SLC26A5: variants seen among roughly 807,000 people sequenced by gnomAD.
SLC26A5 encodes the protein solute carrier family 26 member 5.
In SLC26A5, 51 loss-of-function variants were observed where a neutral mutation model predicts 81.0. That is an observed-to-expected ratio of 0.63 (90% CI 0.50 to 0.80). SLC26A5 has a LOEUF of 0.80. Among genes scored for constraint, SLC26A5 ranks in the 30% least tolerant of loss-of-function variants. The probability of loss-of-function intolerance (pLI) is 0.00; values close to 1 mark genes in which losing one functional copy is unlikely to be tolerated. For missense variants in SLC26A5, 771 were observed against 905.8 expected, an observed-to-expected ratio of 0.85 and a Z score of 1.91; for synonymous variants, 325 against 332.8, an observed-to-expected ratio of 0.98 and a Z score of 0.25.
At chr7:103,365,927 C>CAA (rs1158503720) in intron 19 of SLC26A5, 2 of 647,320 alleles carry the variant, frequency 3.1e-6, no homozygotes, top group African/African-American at 1.9e-5. Context: ...GACTCCATCT[C>CAA]AAAAAAATAA....
At chr7:103,387,491 T>C (rs947126311) in intron 14 of SLC26A5, among the ~76,000 whole-genome samples, 11 of 152,194 alleles carry the variant, frequency 7.2e-5, no homozygotes, top group African/African-American at 2.7e-4. Context: ...GTAGAGTGGG[T>C]AGCACTTGTC....
At chr7:103,394,771 T>C (rs1822952623) in intron 9 of SLC26A5, among the ~76,000 whole-genome samples, 1 of 152,220 alleles carries the variant, frequency 6.6e-6, no homozygotes, top group South Asian at 2.1e-4. Flanking sequence ...CAAATCTAGA[T>C]GGGGAATCTG....
intron 19 of SLC26A5, chr7:103,353,855 T>C (rs1030468637): frequency 3.6e-6 from 5 of 1,383,178 alleles, no homozygotes; most frequent in Non-Finnish European, 5.1e-6. Flanking sequence ...AAAGCTCTAG[T>C]TTCTTTTTTA....
At chr7:103,404,846 AC>A (rs1418884318) in intron 8 of SLC26A5, among the ~76,000 whole-genome samples, 1 of 152,010 alleles carries the variant, frequency 6.6e-6, no homozygotes, top group African/African-American at 2.4e-5. Flanking sequence ...GTCTTTTCAC[AC>A]AGTCCCATAT....
In SLC26A5 at chr7:103,379,243, C is replaced by T. The variant is rs1821594806; in HGVS notation, c.1677G>A (p.Lys559=). The T allele has an allele frequency of 6.2e-7, 1 of 1,602,892 alleles. No homozygotes were observed. The highest frequency in any genetic ancestry group is 2.2e-5 in the East Asian group (1 of 44,736). ...AAATAATCAATTTCTCATGACTCAC[C>T]TTTCGTTTTAATGCATTGCTATACA... ...SDLYSNALKR[K]TGVNPAVIMG... is the part of the protein sequence containing the mutation. The change falls in exon 16 of 20, where the codon AAG becomes AAA. Residue 559 remains lysine, a splice_region_variant and synonymous_variant. Transcript: ENST00000306312.
intron 2 of SLC26A5, among the ~76,000 whole-genome samples, chr7:103,425,097 C>T (rs1404325425): frequency 6.6e-6 from 1 of 152,148 alleles, no homozygotes; most frequent in African/African-American, 2.4e-5. Context: ...AGGAATTCCT[C>T]GTGACACCCG....
intron 2 of SLC26A5, among the ~76,000 whole-genome samples, chr7:103,431,212 CAT>C (rs1338467020): frequency 1.3e-5 from 2 of 152,178 alleles, no homozygotes; most frequent in African/African-American, 4.8e-5. Context: ...ATAATATACA[CAT>C]GATAAAATTG....
At chr7:103,441,244 G>A (rs765475641) in intron 2 of SLC26A5, among the ~76,000 whole-genome samples, 23 of 152,138 alleles carry the variant, frequency 1.5e-4, no homozygotes, top group Non-Finnish European at 2.6e-4. Context: ...CGATTTGACA[G>A]TCACATATAT....
chr7:103,377,560 C>G, intron 18 of SLC26A5, 39 bp downstream of exon 18: 2 of 1,550,574 alleles, frequency 1.3e-6, no homozygotes, highest in Non-Finnish European at 1.8e-6. Context: ...CGACACCAGG[C>G]ATAGAGGTAT....
intron 14 of SLC26A5, 85 bp from the exon 15 acceptor site, chr7:103,380,634 G>A: frequency 8.0e-7 from 1 of 1,247,738 alleles, no homozygotes; most frequent in South Asian, 1.2e-5. Context: ...ATGTCAGGTT[G>A]GGGTTTGCTG....
chr7:103,421,243 T>C (rs1221958239), intron 3 of SLC26A5, 120 bp downstream of exon 3: 3 of 1,139,096 alleles, frequency 2.6e-6, no homozygotes, highest in African/African-American at 1.5e-5. Flanking sequence ...TTGCAAACCA[T>C]GATGGCTCAG....
intron 9 of SLC26A5, among the ~76,000 whole-genome samples, chr7:103,394,813 G>A (rs1334890182): frequency 2.6e-5 from 4 of 152,162 alleles, no homozygotes; most frequent in African/African-American, 4.8e-5. Context: ...GGCTGGCCTC[G>A]TGATGTGCTT....
intron 8 of SLC26A5, among the ~76,000 whole-genome samples, chr7:103,407,584 A>C (rs1340561228): frequency 6.6e-6 from 1 of 152,202 alleles, no homozygotes; most frequent in African/African-American, 2.4e-5. Context: ...TTTGAGGAGA[A>C]AATCCTCCAT....
At chr7:103,436,258 C>A (rs924421688) in intron 2 of SLC26A5, among the ~76,000 whole-genome samples, 1 of 151,770 alleles carries the variant, frequency 6.6e-6, no homozygotes, top group Non-Finnish European at 1.5e-5. Flanking sequence ...TTCAGGAGAC[C>A]CTTGGCATTT....
In SLC26A5 at chr7:103,397,398, G is replaced by T. The variant is rs184315260; in HGVS notation, c.971+534C>A. Among the ~76,000 whole-genome samples the T allele has an allele frequency of 3.9e-5, 6 of 151,900 alleles. No individual in the cohort carries two copies. In the East Asian group the frequency reaches 9.8e-4, roughly 25 times the overall value. On this transcript the variant is annotated intron_variant, in intron 9 of 19. Transcript: ENST00000306312. ...CTATTAAAAATACAAAAAATCAGCC[G>T]GGCGTGGTGGCGGGTGCCTGTAGTC...
At chr7:103,413,150 T>C (rs1201202528) in intron 4 of SLC26A5, 38 bp from the exon 5 acceptor site, 29 of 1,314,850 alleles carry the variant, frequency 2.2e-5, no homozygotes, top group Non-Finnish European at 3.2e-5. Flanking sequence ...GGGGGATCAT[T>C]AGAAGACAGA....
In SLC26A5 at chr7:103,397,976, C is replaced by G; in HGVS notation, c.927G>C (p.Leu309Phe). Residue 309 changes from leucine (L) to phenylalanine (F), a missense_variant, in exon 9 of 20, where the codon TTG (leucine) becomes TTC (phenylalanine). Coordinates refer to ENST00000306312, the MANE Select transcript of SLC26A5 (RefSeq NM_198999.3). Reference protein sequence around the residue: ...MGTGISAGFNLKESYNVDVVG... With the variant: ...MGTGISAGFNFKESYNVDVVG... ...CGACATCCACATTGTATGATTCTTT[C>G]AAGTTAAACCCAGCTGAAATGCCAG... 3.1e-6 allele frequency: 5 copies of G among 1,614,098 alleles called. No individual in the cohort carries two copies. Among genetic ancestry groups the G allele is most frequent in the Non-Finnish European group, 4.2e-6 (5 of 1,180,014 alleles).
chr7:103,406,532 T>C (rs1399808470), intron 8 of SLC26A5, among the ~76,000 whole-genome samples: 1 of 152,106 alleles, frequency 6.6e-6, no homozygotes, highest in Non-Finnish European at 1.5e-5. Flanking sequence ...CCATGCCCAA[T>C]GAGGTGAGCC....
chr7:103,353,307 C>T (rs1354860113), intron 19 of SLC26A5, among the ~76,000 whole-genome samples: 1 of 151,822 alleles, frequency 6.6e-6, no homozygotes, highest in East Asian at 1.9e-4. Flanking sequence ...CATTGTATTT[C>T]CTTTTCTTTT....
Sources: allele counts gnomAD v4.1 joint callset (sites outside exome capture counted in the v4.1 genomes callset), GRCh38; gene constraint gnomAD v4.1.1; transcripts MANE v1.5; gene names NCBI Gene and HGNC (gene_info 2026-07-23, HGNC 2026-07-21).